Variants in SHROOM3 observed in about 807,000 individuals in gnomAD.
The protein encoded by SHROOM3 is protein Shroom3.
Under a neutral mutation model 138.6 loss-of-function variants are expected in SHROOM3, and 47 were observed. The ratio of observed to expected loss-of-function variants is 0.34; its 90% CI spans 0.27 to 0.43. SHROOM3 has a LOEUF of 0.43. Among genes scored for constraint, SHROOM3 ranks in the 20% least tolerant of loss-of-function variants. The pLI, the probability that SHROOM3 is intolerant of heterozygous loss-of-function variation, is 1.00. For missense variants in SHROOM3, 2,491 were observed against 2,596.5 expected, an observed-to-expected ratio of 0.96 and a Z score of 0.88; for synonymous variants, 1,062 against 1,063.3, an observed-to-expected ratio of 1.00 and a Z score of 0.02.
At chr4:76,711,098 A>G (rs926719054) in intron 3 of SHROOM3, among the ~76,000 whole-genome samples, 1 of 152,204 alleles carries the variant, frequency 6.6e-6, no homozygotes, top group Non-Finnish European at 1.5e-5. Flanking sequence ...CATCATTCTC[A>G]TCATTATCAC....
At chr4:76,642,856 G>T (rs1456816689) in intron 2 of SHROOM3, among the ~76,000 whole-genome samples, 2 of 151,994 alleles carry the variant, frequency 1.3e-5, no homozygotes, top group Non-Finnish European at 2.9e-5. Context: ...ATTTGTGGGG[G>T]AGGGGAGATT....
chr4:76,696,221 A>G (rs1199960660), intron 2 of SHROOM3, among the ~76,000 whole-genome samples: 2 of 152,190 alleles, frequency 1.3e-5, no homozygotes, highest in African/African-American at 4.8e-5. Flanking sequence ...TCTGACTCAC[A>G]ATAGACGCAC....
intron 1 of SHROOM3, among the ~76,000 whole-genome samples, chr4:76,530,235 G>A (rs1287631739): frequency 1.3e-5 from 2 of 152,186 alleles, no homozygotes; most frequent in Admixed American, 1.3e-4. Context: ...ATGGGTTATT[G>A]TGATAACACA....
chr4:76,589,992 G>A (rs558209284), intron 2 of SHROOM3, among the ~76,000 whole-genome samples: 7 of 152,272 alleles, frequency 4.6e-5, no homozygotes, highest in African/African-American at 7.2e-5. Flanking sequence ...AATACCATGC[G>A]GTTCTCCTTC....
chr4:76,679,810 C>T (rs1310687829), intron 2 of SHROOM3, among the ~76,000 whole-genome samples: 1 of 152,170 alleles, frequency 6.6e-6, no homozygotes. Flanking sequence ...AAGGACCTAC[C>T]GGTATTTGAA....
At chr4:76,530,572 C>T (rs946849870) in intron 1 of SHROOM3, among the ~76,000 whole-genome samples, 1 of 152,136 alleles carries the variant, frequency 6.6e-6, no homozygotes, top group Non-Finnish European at 1.5e-5. Flanking sequence ...TATTTCATTG[C>T]CTTTCCTCTT....
chr4:76,614,230 A>G (rs1412549554), intron 2 of SHROOM3, among the ~76,000 whole-genome samples: 1 of 151,682 alleles, frequency 6.6e-6, no homozygotes, highest in Non-Finnish European at 1.5e-5. Flanking sequence ...AATTTTTTGT[A>G]TTTTTAGTAG....
At chr4:76,704,421 C>T (rs1041881675) in intron 2 of SHROOM3, among the ~76,000 whole-genome samples, 1 of 152,134 alleles carries the variant, frequency 6.6e-6, no homozygotes, top group Non-Finnish European at 1.5e-5. Flanking sequence ...GATCAGGTGC[C>T]AGGAAAGAGT....
At chr4:76,586,190 G>C (rs566522960) in intron 2 of SHROOM3, 1 of 933,094 alleles carries the variant, frequency 1.1e-6, no homozygotes, top group African/African-American at 1.8e-5. Flanking sequence ...TTGGCCGGGA[G>C]GAGGCAGTCA....
At chr4:76,549,951 C>A (rs566150778) in intron 1 of SHROOM3, among the ~76,000 whole-genome samples, 1 of 152,290 alleles carries the variant, frequency 6.6e-6, no homozygotes, top group Admixed American at 6.5e-5. Flanking sequence ...AGTGGATCCT[C>A]TGGAGGAATC....
chr4:76,470,051 C>T (rs190360089), intron 1 of SHROOM3, among the ~76,000 whole-genome samples: 1 of 151,742 alleles, frequency 6.6e-6, no homozygotes, highest in African/African-American at 2.4e-5. Context: ...CTCTTAAGTA[C>T]TTAATATATG....
chr4:76,612,905 G>A (rs879465811), intron 2 of SHROOM3, among the ~76,000 whole-genome samples: 14 of 152,124 alleles, frequency 9.2e-5, no homozygotes, highest in Non-Finnish European at 1.5e-4. Context: ...TTGCACCACT[G>A]CACTCTAACC....
At position 76,779,461 on chromosome 4, in the gene SHROOM3, T is replaced by G. The variant is rs750063357; in HGVS notation, c.*284T>G. ...GAACTGATTGGAGGGTGTTTGATCA[T>G]TTAGTTTTTAACAGGCTGAGGCAAC... On this transcript the variant is annotated 3_prime_UTR_variant, in exon 11 of 11. Coordinates refer to ENST00000296043, the MANE Select transcript of SHROOM3 (RefSeq NM_020859.4). 2 of 358,546 alleles carry G rather than the reference T, an allele frequency of 5.6e-6. No individual in the cohort carries two copies. The highest frequency in any genetic ancestry group is 1.0e-5 in the Non-Finnish European group (2 of 195,574). The allele number at this position is 358,546 out of a possible 1,614,324, so 22.2% of individuals were successfully genotyped here. A position where few individuals can be genotyped will look rare whatever the true frequency, so the allele number is the denominator to read the frequency against.
chr4:76,710,048 C>T (rs1720183789), intron 2 of SHROOM3, 108 bp from the exon 3 acceptor site: 10 of 1,477,014 alleles, frequency 6.8e-6, no homozygotes, highest in Non-Finnish European at 9.4e-6. Flanking sequence ...CTGCTTTGCT[C>T]TGGCTCCGGG....
At chr4:76,548,818 C>G (rs545823684) in intron 1 of SHROOM3, among the ~76,000 whole-genome samples, 1 of 152,266 alleles carries the variant, frequency 6.6e-6, no homozygotes, top group South Asian at 2.1e-4. Flanking sequence ...GCTTAGCTTC[C>G]GGGCTCCAAT....
At chr4:76,709,032 T>C (rs979722496) in intron 2 of SHROOM3, among the ~76,000 whole-genome samples, 2 of 152,236 alleles carry the variant, frequency 1.3e-5, no homozygotes, top group East Asian at 3.8e-4. Context: ...AAACTCCCTG[T>C]TGGCCTCCTG....
intron 2 of SHROOM3, among the ~76,000 whole-genome samples, chr4:76,562,573 G>A (rs1287943820): frequency 1.3e-5 from 2 of 152,184 alleles, no homozygotes; most frequent in African/African-American, 4.8e-5. Flanking sequence ...AAAGGGTTGT[G>A]CAAATCAGTG....
chr4:76,558,142 T>A (rs1390606809), intron 2 of SHROOM3, among the ~76,000 whole-genome samples: 1 of 152,226 alleles, frequency 6.6e-6, no homozygotes, highest in African/African-American at 2.4e-5. Context: ...AGGGCTGCTC[T>A]GTTTCCTGCT....
In SHROOM3 at chr4:76,740,291, G is replaced by A; in HGVS notation, c.2118G>A (p.Arg706=). Residue 706 remains arginine, a synonymous_variant, in exon 5 of 11, where the codon AGG becomes AGA. Coordinates refer to ENST00000296043, the MANE Select transcript of SHROOM3 (RefSeq NM_020859.4). The surrounding 1 kb of genome is among the most constrained non-coding windows in gnomAD (Gnocchi z 4.0). ...AVNTKAEDPG[R]KAAPDLGSHL... ...ACACCAAGGCAGAAGACCCTGGGAG[G>A]AAAGCCGCTCCTGACCTCGGGAGCC... is the stretch of plus-strand genomic sequence containing the variant. The A allele has an allele frequency of 6.2e-7, 1 of 1,613,178 alleles. No individual in the cohort carries two copies. Among genetic ancestry groups the A allele is most frequent in the Admixed American group, 1.7e-5 (1 of 60,036 alleles).
Sources: gnomAD v4.1 joint callset for allele counts (sites outside exome capture counted in the v4.1 genomes callset) on GRCh38, gnomAD v4.1.1 for gene constraint, Gnocchi (gnomAD v3.1) non-coding constraint, MANE v1.5 for transcripts, NCBI Gene and HGNC (gene_info 2026-07-23, HGNC 2026-07-21) for gene names.